The following CELF2 variants were observed in gnomAD, a reference collection of about 807,000 sequenced individuals.
The protein encoded by CELF2 is CUGBP Elav-like family member 2.
In CELF2, 8 loss-of-function variants were observed where a neutral mutation model predicts 62.6. That is an observed-to-expected ratio of 0.13 (90% confidence interval 0.07 to 0.23). The LOEUF (loss-of-function observed/expected upper bound fraction) is 0.23, where lower values mean the gene tolerates loss of function less well. Ranked by LOEUF, CELF2 falls within the 10% of genes least tolerant of loss-of-function variation. The pLI is 1.00. For synonymous variants in CELF2, 258 were observed against 250.0 expected, an observed-to-expected ratio of 1.03 and a Z score of -0.30; for missense variants, 333 against 671.0, an observed-to-expected ratio of 0.50 and a Z score of 5.56.
intron 1 of CELF2, among the ~76,000 whole-genome samples, chr10:10,912,221 C>A (rs1389609689): frequency 6.6e-6 from 1 of 152,186 alleles, no homozygotes; most frequent in Non-Finnish European, 1.5e-5. Context: ...TCTCCCAGGA[C>A]CACCCTGCAT....
intron 2 of CELF2, among the ~76,000 whole-genome samples, chr10:10,954,061 G>A (rs1290108911): frequency 6.6e-6 from 1 of 151,746 alleles, no homozygotes; most frequent in Non-Finnish European, 1.5e-5. Flanking sequence ...ACTCCATCGT[G>A]ATACCACTTT....
the CELF2 span, among the ~76,000 whole-genome samples, chr10:10,692,943 G>T: frequency 7.7e-5 from 11 of 142,700 alleles, no homozygotes; most frequent in Middle Eastern, 3.6e-3. Flanking sequence ...TATACAATCA[G>T]GTCGTCTGCA....
intron 7 of CELF2, among the ~76,000 whole-genome samples, chr10:11,272,747 A>G (rs966908466): frequency 2.0e-5 from 3 of 152,162 alleles, no homozygotes; most frequent in African/African-American, 7.2e-5. Flanking sequence ...TCTCTGAAAG[A>G]GCCCTTAGCT....
chr10:10,517,697 A>C, the CELF2 span, among the ~76,000 whole-genome samples: 6 of 152,156 alleles, frequency 3.9e-5, no homozygotes, highest in African/African-American at 1.2e-4. Flanking sequence ...CATGGGAAGG[A>C]TAGTCAGAGA....
chr10:11,049,576 A>AT (rs975253857), intron 1 of CELF2, among the ~76,000 whole-genome samples: 2 of 151,168 alleles, frequency 1.3e-5, no homozygotes, highest in Non-Finnish European at 2.9e-5. Flanking sequence ...AAAAAAAAAA[A>AT]AAAAAATACT....
At chr10:10,915,619 G>A (rs1285481236) in intron 1 of CELF2, among the ~76,000 whole-genome samples, 2 of 151,860 alleles carry the variant, frequency 1.3e-5, no homozygotes, top group Admixed American at 1.3e-4. Context: ...TTGTTTTATA[G>A]GAAAGCAGTA....
chr10:11,156,035 A>G lies in CELF2; in HGVS notation c.75-9451A>G, dbSNP rs2064307903. ...TAGGTGGAGTTCTGAATGCCGGGCA[A>G]GCACAAAGGTCAGTGACGCCTTTGT... On this transcript the variant is annotated intron_variant, in intron 1 of 12. Coordinates refer to ENST00000633077, the MANE Select transcript of CELF2 (RefSeq NM_001326342.2). The surrounding 1 kb of genome is among the most constrained non-coding windows in gnomAD (Gnocchi z 4.3). 6.6e-6 allele frequency among the ~76,000 whole-genome samples: 1 copy of G among 152,242 alleles called. No individual in the cohort carries two copies. The highest frequency in any genetic ancestry group is 2.4e-5 in the African/African-American group (1 of 41,472).
the CELF2 span, among the ~76,000 whole-genome samples, chr10:10,720,439 C>T: frequency 7.9e-5 from 12 of 152,058 alleles, no homozygotes; most frequent in South Asian, 4.1e-4. Context: ...CTATGAAAAG[C>T]GCCACAAACA....
chr10:10,542,912 G>A, the CELF2 span, among the ~76,000 whole-genome samples: 1 of 152,188 alleles, frequency 6.6e-6, no homozygotes, highest in Non-Finnish European at 1.5e-5. Flanking sequence ...GTGGGCCAGA[G>A]TTTTATTTTT....
At chr10:10,473,027 T>G in the CELF2 span, among the ~76,000 whole-genome samples, 1 of 152,036 alleles carries the variant, frequency 6.6e-6, no homozygotes. Flanking sequence ...TTGTGCTGCC[T>G]GATGTTATGA....
At chr10:10,503,420 C>T in the CELF2 span, among the ~76,000 whole-genome samples, 1 of 151,896 alleles carries the variant, frequency 6.6e-6, no homozygotes, top group African/African-American at 2.4e-5. Flanking sequence ...GATGTATACA[C>T]ACTTAGGATT....
At chr10:11,142,233 C>T (rs750875640) in intron 1 of CELF2, among the ~76,000 whole-genome samples, 1 of 152,084 alleles carries the variant, frequency 6.6e-6, no homozygotes, top group African/African-American at 2.4e-5. Flanking sequence ...GATTTGGAAA[C>T]GAATTCTAGG....
chr10:10,479,237 CA>C, the CELF2 span, among the ~76,000 whole-genome samples: 4 of 152,138 alleles, frequency 2.6e-5, no homozygotes, highest in Admixed American at 6.5e-5. Flanking sequence ...GGCACAATCT[CA>C]GGTCACTGCA....
the CELF2 span, among the ~76,000 whole-genome samples, chr10:10,633,416 C>T: frequency 1.3e-5 from 2 of 152,152 alleles, no homozygotes; most frequent in Non-Finnish European, 2.9e-5. Flanking sequence ...TTGCATTTCT[C>T]TTTCTCTTGC....
At chr10:10,523,634 C>A in the CELF2 span, among the ~76,000 whole-genome samples, 1 of 152,046 alleles carries the variant, frequency 6.6e-6, no homozygotes, top group Non-Finnish European at 1.5e-5. Context: ...CTGGGGACAT[C>A]ATGAATCCTT....
At chr10:10,492,432 C>T in the CELF2 span, among the ~76,000 whole-genome samples, 2 of 151,726 alleles carry the variant, frequency 1.3e-5, no homozygotes, top group East Asian at 3.9e-4. Context: ...GCACGTTGTG[C>T]ACATGTACCC....
At chr10:10,857,683 T>A (rs866400134) in intron 1 of CELF2, among the ~76,000 whole-genome samples, 7 of 59,184 alleles carry the variant, frequency 1.2e-4, no homozygotes, top group East Asian at 6.2e-4. Context: ...ATATATATAT[T>A]TTACCTCAAT....
chr10:10,665,126 A>G, the CELF2 span, among the ~76,000 whole-genome samples: 7 of 152,322 alleles, frequency 4.6e-5, no homozygotes, highest in Admixed American at 4.6e-4. Flanking sequence ...TTCACTAAGT[A>G]CAGTGAAAAC....
At chr10:10,718,701 T>C in the CELF2 span, among the ~76,000 whole-genome samples, 1 of 151,606 alleles carries the variant, frequency 6.6e-6, no homozygotes, top group Non-Finnish European at 1.5e-5. Context: ...TGACCCAAGT[T>C]AAGCTACCAG....
Sources: allele counts gnomAD v4.1 joint callset (sites outside exome capture counted in the v4.1 genomes callset), GRCh38; gene constraint gnomAD v4.1.1; non-coding constraint Gnocchi (gnomAD v3.1); transcripts MANE v1.5; gene names NCBI Gene and HGNC (gene_info 2026-07-23, HGNC 2026-07-21).